Variants in ATP10B observed in about 807,000 individuals in gnomAD.
ATP10B encodes phospholipid-transporting ATPase VB.
ATP10B carries 122 observed loss-of-function variants against 141.2 expected under a neutral mutation model. That is an observed-to-expected ratio of 0.86 (90% confidence interval 0.75 to 1.00). ATP10B has a LOEUF of 1.00. Among genes scored for constraint, ATP10B ranks in the 50% least tolerant of loss-of-function variants. ATP10B has a pLI of 0.00. For missense variants in ATP10B, 1,876 were observed against 1,825.3 expected (o/e 1.03, Z -0.51); for synonymous variants, 685 against 692.0 (o/e 0.99, Z 0.16).
intron 1 of ATP10B, among the ~76,000 whole-genome samples, chr5:160,815,452 A>T (rs990469136): frequency 1.3e-5 from 2 of 152,226 alleles, no homozygotes; most frequent in African/African-American, 2.4e-5. Flanking sequence ...TCCTAAATAT[A>T]TATGCACCCA....
chr5:160,665,057 C>CT (rs34485014), intron 7 of ATP10B, among the ~76,000 whole-genome samples: 1 of 151,982 alleles, frequency 6.6e-6, no homozygotes, highest in Non-Finnish European at 1.5e-5. Context: ...CCTTTCCCCT[C>CT]TTTTTTTAAC....
intron 6 of ATP10B, among the ~76,000 whole-genome samples, chr5:160,677,872 T>G (rs1252666517): frequency 6.6e-6 from 1 of 152,216 alleles, no homozygotes; most frequent in African/African-American, 2.4e-5. Flanking sequence ...GGGGTTTCCT[T>G]GAGGGCTGTT....
the ATP10B span, among the ~76,000 whole-genome samples, chr5:160,911,656 A>G: frequency 6.6e-6 from 1 of 152,234 alleles, no homozygotes; most frequent in Non-Finnish European, 1.5e-5. Context: ...CTAGGTCCTA[A>G]GAAATGAGAG....
In ATP10B at chr5:160,615,945, A is replaced by T; in HGVS notation, c.2546T>A (p.Phe849Tyr). The change falls in exon 17 of 26, where the codon TTC (phenylalanine) becomes TAC (tyrosine). Residue 849 changes from phenylalanine (F) to tyrosine (Y), a missense_variant. Phe to Tyr is a conservative substitution (Grantham distance 22). Coordinates refer to ENST00000327245, the MANE Select transcript of ATP10B (RefSeq NM_025153.3). Reference protein sequence around the residue: ...IAKKVVSEEDFRRWASFRREA... With the variant: ...IAKKVVSEEDYRRWASFRREA... ...ACGCCGGAAACTGGCCCATCTCCGG[A>T]AGTCCTCTTCGCTTACAACCTATGG... 6.2e-7 allele frequency: 1 copy of T among 1,613,830 alleles called. No homozygotes were observed. Among genetic ancestry groups the T allele is most frequent in the East Asian group, 2.2e-5 (1 of 44,858 alleles).
intron 1 of ATP10B, among the ~76,000 whole-genome samples, chr5:160,786,666 C>T (rs1357111540): frequency 6.6e-6 from 1 of 152,110 alleles, no homozygotes; most frequent in Non-Finnish European, 1.5e-5. Flanking sequence ...TAAACATTTC[C>T]ACTTTGGAGA....
chr5:160,752,837 G>C (rs1281370950), intron 2 of ATP10B, among the ~76,000 whole-genome samples: 1 of 152,154 alleles, frequency 6.6e-6, no homozygotes, highest in African/African-American at 2.4e-5. Flanking sequence ...AAGAACATTT[G>C]GGGTTTCTAA....
At chr5:160,911,910 C>G in the ATP10B span, among the ~76,000 whole-genome samples, 132 of 152,204 alleles carry the variant, frequency 8.7e-4, no homozygotes, top group African/African-American at 3.0e-3. Flanking sequence ...CGGTGTCTGG[C>G]AAATAGTAAG....
At chr5:160,717,169 A>G (rs1294297706) in intron 2 of ATP10B, 135 bp from the exon 3 acceptor site, 1 of 571,342 alleles carries the variant, frequency 1.8e-6, no homozygotes, top group Admixed American at 6.3e-5. Context: ...TATACTTATG[A>G]TAGTAGAAAA....
Position 160,686,288 on chromosome 5 carries a change from G to C in ATP10B, c.276-15C>G. 6.4e-7 allele frequency: 1 copy of C among 1,553,992 alleles called. No homozygotes were observed. Among genetic ancestry groups the C allele is most frequent in the Non-Finnish European group, 8.7e-7 (1 of 1,143,464 alleles). ...GGTTAGCCCATCTGGAGGGGCAAGC[G>C]AAGTGTGAATAAACACTATGGAGAA... On this transcript the variant is annotated splice_polypyrimidine_tract_variant and intron_variant, in intron 5 of 25. Coordinates refer to ENST00000327245, the MANE Select transcript of ATP10B (RefSeq NM_025153.3).
chr5:160,697,660 A>T (rs1764451082), intron 3 of ATP10B, among the ~76,000 whole-genome samples: 1 of 152,108 alleles, frequency 6.6e-6, no homozygotes, highest in East Asian at 1.9e-4. Flanking sequence ...TGGAAAAGAG[A>T]GAGTGAGAAA....
intron 6 of ATP10B, among the ~76,000 whole-genome samples, chr5:160,673,657 C>T (rs1287140159): frequency 6.6e-6 from 1 of 151,866 alleles, no homozygotes; most frequent in Non-Finnish European, 1.5e-5. Context: ...TTTGGAAATA[C>T]ATTTGATTAT....
rs1388793782 is a variant in ATP10B at position 160,599,026 on chromosome 5, G to C, written c.3364-56C>G. 12 of 1,562,536 alleles carry C rather than the reference G, an allele frequency of 7.7e-6. No homozygotes were observed. The East Asian group carries it at 2.5e-4, about 32-fold the overall frequency. Reference sequence around the variant, plus strand: ...GGGCTCCATGTGCAGCCGGTCACCAGCTCCTGCTTGGGACCTCTGGGAGCT... The same window carrying C: ...GGGCTCCATGTGCAGCCGGTCACCACCTCCTGCTTGGGACCTCTGGGAGCT... On this transcript the variant is annotated intron_variant, in intron 21 of 25. Coordinates refer to ENST00000327245, the MANE Select transcript of ATP10B (RefSeq NM_025153.3).
At position 160,620,363 on chromosome 5, in the gene ATP10B, C is replaced by A; in HGVS notation, c.2400G>T (p.Leu800=). 1.2e-6 allele frequency: 2 copies of A among 1,610,814 alleles called. No homozygotes were observed. Among genetic ancestry groups the A allele is most frequent in the Non-Finnish European group, 1.7e-6 (2 of 1,178,072 alleles). The part of the protein sequence containing the change: ...KGADSVIMDL[L]EDPACVPDIN... ...AGGACTCACCGCAGGCTGGGTCTTC[C>A]AGCAGGTCCATGATGACCGAGTCAG... is the stretch of plus-strand genomic sequence containing the variant. Residue 800 remains leucine (L), a synonymous_variant, in exon 15 of 26, where the codon CTG becomes CTT. Transcript: ENST00000327245.
chr5:160,779,816 A>G (rs1163675005), intron 2 of ATP10B, among the ~76,000 whole-genome samples: 2 of 152,092 alleles, frequency 1.3e-5, no homozygotes, highest in African/African-American at 2.4e-5. Context: ...AGTACTTAAC[A>G]ATGGATGCTG....
At chr5:160,655,696 A>T (rs1025947564) in intron 7 of ATP10B, among the ~76,000 whole-genome samples, 2 of 152,174 alleles carry the variant, frequency 1.3e-5, no homozygotes, top group African/African-American at 4.8e-5. Context: ...CTTTGGCTCA[A>T]CAAATAAAAA....
chr5:160,595,620 A>T (rs1228863423), intron 22 of ATP10B, among the ~76,000 whole-genome samples: 11 of 152,218 alleles, frequency 7.2e-5, no homozygotes, highest in African/African-American at 1.4e-4. Context: ...TTTTGAAAAG[A>T]TCAACAAAAT....
intron 22 of ATP10B, among the ~76,000 whole-genome samples, chr5:160,592,674 G>A (rs550605971): frequency 2.0e-5 from 3 of 152,366 alleles, no homozygotes; most frequent in African/African-American, 7.2e-5. Flanking sequence ...AGAAAGGGGT[G>A]ACAGATGGCA....
the ATP10B span, among the ~76,000 whole-genome samples, chr5:160,900,108 TC>T: frequency 1.3e-5 from 2 of 152,162 alleles, no homozygotes; most frequent in South Asian, 2.1e-4. Flanking sequence ...ATCCACCACT[TC>T]CTGTGCAGCC....
chr5:160,826,140 T>G (rs1774586278), intron 1 of ATP10B, among the ~76,000 whole-genome samples: 1 of 152,150 alleles, frequency 6.6e-6, no homozygotes, highest in Non-Finnish European at 1.5e-5. Flanking sequence ...TGTCTTTTTT[T>G]GTATAACTCT....
Sources: gnomAD v4.1 joint callset for allele counts (sites outside exome capture counted in the v4.1 genomes callset) on GRCh38, gnomAD v4.1.1 for gene constraint, MANE v1.5 for transcripts, NCBI Gene and HGNC (gene_info 2026-07-23, HGNC 2026-07-21) for gene names.